The following DENND1A variants were observed in gnomAD, a reference collection of about 807,000 sequenced individuals.
The protein encoded by DENND1A is DENN domain-containing protein 1A.
DENND1A carries 51 observed loss-of-function variants against 113.7 expected under a neutral mutation model. The observed-to-expected ratio is 0.45, with a 90% CI of 0.36 to 0.57. The LOEUF is 0.57. Among genes scored for constraint, DENND1A ranks in the 20% least tolerant of loss-of-function variants. DENND1A has a pLI of 0.00. For missense variants in DENND1A, 1,258 were observed against 1,395.9 expected (o/e 0.90, Z 1.57); for synonymous variants, 565 against 570.8 (o/e 0.99, Z 0.14).
chr9:123,674,212 G>A (rs557584619), intron 6 of DENND1A, among the ~76,000 whole-genome samples: 2 of 152,036 alleles, frequency 1.3e-5, no homozygotes, highest in Non-Finnish European at 2.9e-5. Flanking sequence ...TTCCACAAGG[G>A]TGCCCATTCA....
chr9:123,887,133 G>A (rs1481327425), intron 1 of DENND1A, among the ~76,000 whole-genome samples: 2 of 152,120 alleles, frequency 1.3e-5, no homozygotes, highest in South Asian at 2.1e-4. Context: ...TACCCATTAA[G>A]GGCATTTGCA....
chr9:123,927,213 A>G (rs1857272133), intron 1 of DENND1A, among the ~76,000 whole-genome samples: 1 of 152,256 alleles, frequency 6.6e-6, no homozygotes, highest in Non-Finnish European at 1.5e-5. Flanking sequence ...ACGAAATCTC[A>G]ACACCTGTGC....
Position 123,639,075 on chromosome 9 carries a change from GA to G in DENND1A, c.619-8600del, listed in dbSNP as rs1423357730. On this transcript the variant is annotated intron_variant, in intron 9 of 23. Coordinates refer to ENST00000394215, the MANE Select transcript of DENND1A (RefSeq NM_001352964.2). ...AAAAAAAAAAAAAAAAAGAAAGAAA[GA>G]AAAAAAAAGAAAAAGAAAAAGAAAA... 7.5e-3 allele frequency among the ~76,000 whole-genome samples: 713 copies of G among 95,396 alleles called. 11 individuals are homozygous for G. The highest frequency in any genetic ancestry group is 0.026 in the African/African-American group (672 of 25,578). 62.6% of individuals were successfully genotyped at this position (95,396 alleles called of 152,430 possible).
chr9:123,392,420 T>C (rs2131061974), intron 21 of DENND1A, among the ~76,000 whole-genome samples: 1 of 152,326 alleles, frequency 6.6e-6, no homozygotes, highest in African/African-American at 2.4e-5. Flanking sequence ...GTGATCATTT[T>C]TGAAAGGATC....
intron 1 of DENND1A, among the ~76,000 whole-genome samples, chr9:123,895,109 G>A (rs1850523733): frequency 6.6e-6 from 1 of 151,222 alleles, no homozygotes. Context: ...CTGGGCTGGG[G>A]TGCAGTGACT....
At chr9:123,668,835 A>G (rs1458408131) in intron 7 of DENND1A, among the ~76,000 whole-genome samples, 1 of 152,232 alleles carries the variant, frequency 6.6e-6, no homozygotes, top group East Asian at 1.9e-4. Flanking sequence ...GATTAATTCA[A>G]CAGTGAGGAT....
intron 5 of DENND1A, among the ~76,000 whole-genome samples, chr9:123,727,097 A>G (rs2067764315): frequency 6.6e-6 from 1 of 152,178 alleles, no homozygotes; most frequent in Non-Finnish European, 1.5e-5. Context: ...TCAACACAAT[A>G]CCTTCTCTCT....
chr9:123,601,050 C>A (rs894915675), intron 11 of DENND1A, among the ~76,000 whole-genome samples: 2 of 152,150 alleles, frequency 1.3e-5, no homozygotes, highest in African/African-American at 4.8e-5. Context: ...CCAGTTTTAA[C>A]ATTGCTAAAT....
chr9:123,445,054 C>T (rs1192424658), intron 18 of DENND1A, among the ~76,000 whole-genome samples: 1 of 152,136 alleles, frequency 6.6e-6, no homozygotes, highest in Non-Finnish European at 1.5e-5. Flanking sequence ...CATTGTATTC[C>T]TATTATTTTC....
In DENND1A at chr9:123,682,079, C is replaced by T. The variant is rs953398121; in HGVS notation, c.303-5290G>A. On this transcript the variant is annotated intron_variant, in intron 5 of 23. Transcript: ENST00000394215. ...ACCAGGTGGGAAGTAATTCTTTCCC[C>T]TCATCTTGACCTCAGCAGAGCCCAG... Among the ~76,000 whole-genome samples, 20 of 152,324 alleles carry T rather than the reference C, an allele frequency of 1.3e-4. No individual in the cohort carries two copies. In the East Asian group the frequency reaches 3.3e-3, roughly 25 times the overall value.
Position 123,879,038 on chromosome 9 carries a change from T to G in DENND1A, c.18-17A>C. The stretch of plus-strand genomic sequence containing the variant: ...GGATTCTGCCTACAAAAGAAACAGA[T>G]CATGATTACTGACAAAGATTGAGGC... On this transcript the variant is annotated splice_polypyrimidine_tract_variant and intron_variant, in intron 1 of 23. Coordinates refer to ENST00000394215, the MANE Select transcript of DENND1A (RefSeq NM_001352964.2). 1.9e-6 allele frequency: 3 copies of G among 1,613,120 alleles called. No homozygotes were observed. The highest frequency in any genetic ancestry group is 2.5e-6 in the Non-Finnish European group (3 of 1,179,506).
chr9:123,667,121 T>G, intron 7 of DENND1A, 42 bp from the exon 8 acceptor site: 1 of 1,547,400 alleles, frequency 6.5e-7, no homozygotes, highest in South Asian at 1.2e-5. Context: ...TGCTAAAATG[T>G]GTAACAATTG....
intron 1 of DENND1A, among the ~76,000 whole-genome samples, chr9:123,926,204 C>T (rs1857062375): frequency 6.6e-6 from 1 of 152,326 alleles, no homozygotes. Context: ...TACCTGCATA[C>T]TGGTGACCTT....
At chr9:123,572,896 A>AT (rs1310227421) in intron 12 of DENND1A, among the ~76,000 whole-genome samples, 1 of 151,492 alleles carries the variant, frequency 6.6e-6, no homozygotes, top group Non-Finnish European at 1.5e-5. Context: ...TCCCTCTCAT[A>AT]TTTTTTTTCT....
chr9:123,426,920 C>G (rs1275214496), intron 19 of DENND1A, among the ~76,000 whole-genome samples: 1 of 152,188 alleles, frequency 6.6e-6, no homozygotes, highest in African/African-American at 2.4e-5. Context: ...ATCTCAGACA[C>G]AGCCTGAAGA....
chr9:123,393,544 A>T (rs2042962425), intron 21 of DENND1A, among the ~76,000 whole-genome samples: 2 of 151,876 alleles, frequency 1.3e-5, no homozygotes, highest in African/African-American at 4.8e-5. Flanking sequence ...AAAATAAAAA[A>T]AAAAAAAAGA....
At chr9:123,627,739 C>CAAAAAAAAAA (rs764341977) in intron 10 of DENND1A, among the ~76,000 whole-genome samples, 2 of 57,804 alleles carry the variant, frequency 3.5e-5, no homozygotes, top group African/African-American at 1.3e-4. Flanking sequence ...AACTCTGTCT[C>CAAAAAAAAAA]AAAAAAAAAA....
intron 12 of DENND1A, among the ~76,000 whole-genome samples, chr9:123,576,874 A>G (rs2058666703): frequency 1.3e-5 from 2 of 152,172 alleles, no homozygotes; most frequent in African/African-American, 4.8e-5. Context: ...AGTCTGCTAG[A>G]ATTACTTCTC....
intron 13 of DENND1A, among the ~76,000 whole-genome samples, chr9:123,470,087 C>G (rs1014124973): frequency 2.0e-5 from 3 of 152,210 alleles, no homozygotes; most frequent in African/African-American, 4.8e-5. Flanking sequence ...TGGGTTTTGG[C>G]TGCACTCTAT....
Sources: allele counts gnomAD v4.1 joint callset (sites outside exome capture counted in the v4.1 genomes callset), GRCh38; gene constraint gnomAD v4.1.1; transcripts MANE v1.5; gene names NCBI Gene and HGNC (gene_info 2026-07-23, HGNC 2026-07-21).